The following THSD7B variants were observed in gnomAD, a reference collection of about 807,000 sequenced individuals.
The protein encoded by THSD7B is thrombospondin type-1 domain-containing protein 7B.
A neutral mutation model predicts 213.6 loss-of-function variants in THSD7B; 138 were observed. That is an observed-to-expected ratio of 0.65 (90% CI 0.56 to 0.74). The LOEUF (loss-of-function observed/expected upper bound fraction) is 0.74, where lower values mean the gene tolerates loss of function less well. Ranked by LOEUF, THSD7B falls within the 30% of genes least tolerant of loss-of-function variation. The pLI, the probability that THSD7B is intolerant of heterozygous loss-of-function variation, is 0.00. For missense variants in THSD7B, 1,931 were observed against 1,991.5 expected, an observed-to-expected ratio of 0.97 and a Z score of 0.58; for synonymous variants, 742 against 687.0, an observed-to-expected ratio of 1.08 and a Z score of -1.25.
chr2:137,568,175 T>C (rs574777762), intron 16 of THSD7B, among the ~76,000 whole-genome samples: 2 of 152,202 alleles, frequency 1.3e-5, no homozygotes, highest in East Asian at 3.9e-4. Flanking sequence ...AAGTGTGATT[T>C]AAGTGAGTTT....
At chr2:137,603,707 T>C (rs1043823172) in intron 17 of THSD7B, among the ~76,000 whole-genome samples, 6 of 152,252 alleles carry the variant, frequency 3.9e-5, no homozygotes, top group African/African-American at 1.4e-4. Context: ...TTGCTGATAT[T>C]CTTTCAAGCT....
chr2:137,556,490 G>A (rs1421945301), intron 15 of THSD7B, among the ~76,000 whole-genome samples: 5 of 152,084 alleles, frequency 3.3e-5, no homozygotes, highest in Admixed American at 6.6e-5. Context: ...ACAAGCAAAT[G>A]CTGAGAGATT....
At chr2:137,153,989 T>G (rs1023095487) in intron 5 of THSD7B, among the ~76,000 whole-genome samples, 1 of 152,154 alleles carries the variant, frequency 6.6e-6, no homozygotes, top group South Asian at 2.1e-4. Context: ...GGGTTTACAG[T>G]GCCTTCATTT....
chr2:137,073,085 C>G (rs1687532937), intron 3 of THSD7B, among the ~76,000 whole-genome samples: 1 of 152,092 alleles, frequency 6.6e-6, no homozygotes, highest in Admixed American at 6.6e-5. Flanking sequence ...TGTGTCTCTG[C>G]CATGCTTTGG....
chr2:137,640,751 T>A (rs561355207), intron 20 of THSD7B, among the ~76,000 whole-genome samples: 1 of 152,360 alleles, frequency 6.6e-6, no homozygotes, highest in South Asian at 2.1e-4. Context: ...GCTCAATCAA[T>A]GTATTGATAT....
chr2:136,853,843 C>T (rs1683135683), intron 1 of THSD7B, among the ~76,000 whole-genome samples: 1 of 151,912 alleles, frequency 6.6e-6, no homozygotes, highest in African/African-American at 2.4e-5. Context: ...TCGTGGATTC[C>T]TATTTATTCA....
rs201536777 is a variant in THSD7B at position 137,573,063 on chromosome 2, T to TAAA, written c.3423+519_3423+521dup. On this transcript the variant is annotated intron_variant, in intron 17 of 27. Transcript: ENST00000409968. ...TCTTCCAAAGCTAACAAAAATACCT[T>TAAA]AAAAAAAAAAAAAACTAAAGGATAT... Among the ~76,000 whole-genome samples the TAAA allele has an allele frequency of 5.2e-3, 734 of 142,406 alleles. 4 individuals carry two copies. The highest frequency in any genetic ancestry group is 0.018 in the African/African-American group (699 of 38,588). 93.4% of individuals were successfully genotyped at this position (142,406 alleles called of 152,430 possible).
intron 2 of THSD7B, among the ~76,000 whole-genome samples, chr2:137,005,141 A>T (rs1304598855): frequency 6.6e-6 from 1 of 152,194 alleles, no homozygotes; most frequent in Non-Finnish European, 1.5e-5. Context: ...GCATTATTTG[A>T]TATAAACCAG....
At chr2:137,642,217 A>T (rs1364924604) in intron 20 of THSD7B, 2 of 328,936 alleles carry the variant, frequency 6.1e-6, no homozygotes, top group Admixed American at 4.5e-5. Context: ...TGTTTACAAG[A>T]TCAGTCTACT....
chr2:137,667,812 G>A lies in THSD7B; in HGVS notation c.4690G>A (p.Gly1564Ser), dbSNP rs1372667526. 1 of 1,606,110 alleles carries A rather than the reference G, an allele frequency of 6.2e-7. No individual in the cohort carries two copies. Among genetic ancestry groups the A allele is most frequent in the Admixed American group, 1.7e-5 (1 of 58,976 alleles). ...VKIWVYGVSGGAFLIMIFLIF... is the reference protein window; with the variant it reads ...VKIWVYGVSGSAFLIMIFLIF... ...AATTTGGGTTTATGGCGTTTCAGGT[G>A]GCGCTTTTCTCATCATGATTTTCCT... Residue 1564 changes from glycine (G) to serine (S), a missense_variant, in exon 27 of 28, where the codon GGC becomes AGC. Transcript: ENST00000409968.
intron 5 of THSD7B, among the ~76,000 whole-genome samples, chr2:137,121,262 A>C (rs1688541082): frequency 6.6e-6 from 1 of 152,182 alleles, no homozygotes; most frequent in African/African-American, 2.4e-5. Flanking sequence ...AGCAGGAGAG[A>C]GCTACCCTGG....
rs1573772933 is a variant in THSD7B at position 137,661,752 on chromosome 2, T to G, written c.4459-1631T>G. ...CTTGGGTTTTATATGTTGGCATGCT[T>G]CAGGGGTAGAGGTCGTTTTCCCTCT... On this transcript the variant is annotated intron_variant, in intron 25 of 27. Transcript: ENST00000409968. Among the ~76,000 whole-genome samples, 3 of 152,148 alleles carry G rather than the reference T, an allele frequency of 2.0e-5. No individual in the cohort carries two copies. In the East Asian group the frequency reaches 5.8e-4, roughly 29 times the overall value.
intron 15 of THSD7B, among the ~76,000 whole-genome samples, chr2:137,454,656 T>G (rs940354254): frequency 3.3e-5 from 5 of 152,196 alleles, no homozygotes; most frequent in Non-Finnish European, 7.4e-5. Context: ...AATTTTCATG[T>G]TTAAAAAATA....
intron 14 of THSD7B, among the ~76,000 whole-genome samples, chr2:137,412,492 C>T (rs1490482549): frequency 8.2e-6 from 1 of 122,314 alleles, no homozygotes; most frequent in Non-Finnish European, 1.8e-5. Flanking sequence ...CCCAGCTACT[C>T]GGGAGGCTGC....
chr2:137,114,588 T>A (rs1208586667), intron 4 of THSD7B, among the ~76,000 whole-genome samples: 1 of 152,236 alleles, frequency 6.6e-6, no homozygotes, highest in African/African-American at 2.4e-5. Flanking sequence ...TTAATACATA[T>A]ACTTTTATGT....
chr2:137,563,468 T>C, intron 16 of THSD7B, 114 bp downstream of exon 16: 1 of 1,327,088 alleles, frequency 7.5e-7, no homozygotes, highest in Non-Finnish European at 1.0e-6. Context: ...ACATATACTC[T>C]GGTTTTTTCT....
intron 10 of THSD7B, among the ~76,000 whole-genome samples, chr2:137,254,837 T>A (rs1179853455): frequency 5.3e-5 from 8 of 152,096 alleles, no homozygotes; most frequent in Non-Finnish European, 1.0e-4. Context: ...ATGAATTTTA[T>A]AAACAGAAGA....
intron 2 of THSD7B, among the ~76,000 whole-genome samples, chr2:136,946,645 C>G (rs1032786750): frequency 2.0e-5 from 3 of 152,158 alleles, no homozygotes; most frequent in Non-Finnish European, 2.9e-5. Context: ...CTGCCCAGTT[C>G]GAGCTTCCCG....
At position 137,170,762 on chromosome 2, in the gene THSD7B, A is replaced by T. The variant is rs550190978; in HGVS notation, c.1547A>T (p.His516Leu). 2 of 1,613,496 alleles carry T rather than the reference A, an allele frequency of 1.2e-6. No individual in the cohort carries two copies. Among genetic ancestry groups the T allele is most frequent in the Non-Finnish European group, 1.7e-6 (2 of 1,179,664 alleles). The change falls in exon 7 of 28, where the codon CAT becomes CTT. Residue 516 changes from histidine (H) to leucine (L), a missense_variant. Coordinates refer to ENST00000409968, the MANE Select transcript of THSD7B (RefSeq NM_001316349.2). The part of the protein sequence containing the change: ...GKKGFRTRQR[H>L]VLMESTGPAG... ...TTAGGATTTAGAACGAGGCAGCGCCATGTCCTCATGGAATCTACAGGGCCT... is the reference window on the plus strand; with the variant it reads ...TTAGGATTTAGAACGAGGCAGCGCCTTGTCCTCATGGAATCTACAGGGCCT...
Sources: gnomAD v4.1 joint callset for allele counts (sites outside exome capture counted in the v4.1 genomes callset) on GRCh38, gnomAD v4.1.1 for gene constraint, MANE v1.5 for transcripts, NCBI Gene and HGNC (gene_info 2026-07-23, HGNC 2026-07-21) for gene names.